Variants in ASTN2 observed in about 807,000 individuals in gnomAD.
The protein encoded by ASTN2 is astrotactin 2, also known as astrotactin-2.
ASTN2 carries 54 observed loss-of-function variants against 139.8 expected under a neutral mutation model. The observed-to-expected ratio is 0.39, with a 90% CI of 0.31 to 0.48. ASTN2 has a LOEUF of 0.48. ASTN2 is among the 20% of genes least tolerant of loss of function. The pLI, the probability that ASTN2 is intolerant of heterozygous loss-of-function variation, is 0.95. For synonymous variants in ASTN2, 756 were observed against 719.5 expected (o/e 1.05, Z -0.81); for missense variants, 1,565 against 1,725.1 (o/e 0.91, Z 1.64).
chr9:116,826,516 G>A (rs1279073211), intron 11 of ASTN2, among the ~76,000 whole-genome samples: 2 of 152,164 alleles, frequency 1.3e-5, no homozygotes, highest in Non-Finnish European at 2.9e-5. Context: ...GGGTGGCTGC[G>A]AGACTGGGGA....
chr9:116,936,677 G>A (rs1417126191), intron 10 of ASTN2, among the ~76,000 whole-genome samples: 1 of 152,066 alleles, frequency 6.6e-6, no homozygotes, highest in African/African-American at 2.4e-5. Flanking sequence ...TAAAGTTTGG[G>A]TTTTCTGACA....
intron 13 of ASTN2, among the ~76,000 whole-genome samples, chr9:116,733,769 C>T (rs916045406): frequency 1.3e-5 from 2 of 152,182 alleles, no homozygotes; most frequent in Non-Finnish European, 1.5e-5. Context: ...AAGCATGCTA[C>T]TGTTCCTCTC....
chr9:117,300,607 A>T (rs1162099769), intron 1 of ASTN2, among the ~76,000 whole-genome samples: 1 of 152,230 alleles, frequency 6.6e-6, no homozygotes, highest in East Asian at 1.9e-4. Context: ...GAGATTGGAC[A>T]GGGCAAGCAG....
At chr9:116,476,360 A>G (rs1848981419) in intron 20 of ASTN2, among the ~76,000 whole-genome samples, 1 of 152,182 alleles carries the variant, frequency 6.6e-6, no homozygotes, top group South Asian at 2.1e-4. Context: ...TTTCAGGTAG[A>G]TGTGAATTTT....
At position 116,884,473 on chromosome 9, in the gene ASTN2, G is replaced by T. The variant is rs1440595035; in HGVS notation, c.1890-20740C>A. ...GCCTGTAGATTTTTCTTTTCCCTTT[G>T]TCTTCACATGGTCTTTCCTCTGTGC... On this transcript the variant is annotated intron_variant, in intron 10 of 22. Transcript: ENST00000313400. 3.9e-5 allele frequency among the ~76,000 whole-genome samples: 6 copies of T among 152,032 alleles called. No individual in the cohort carries two copies. The East Asian group carries it at 1.2e-3, about 29-fold the overall frequency.
intron 19 of ASTN2, among the ~76,000 whole-genome samples, chr9:116,546,891 T>C (rs1046814126): frequency 4.6e-5 from 7 of 152,176 alleles, no homozygotes; most frequent in African/African-American, 1.7e-4. Context: ...GGCGTTGAAC[T>C]CTTGTCACTG....
At chr9:116,655,694 A>G (rs1015138142) in intron 16 of ASTN2, among the ~76,000 whole-genome samples, 3 of 151,972 alleles carry the variant, frequency 2.0e-5, no homozygotes, top group Non-Finnish European at 4.4e-5. Context: ...ACGTACACCA[A>G]GATTTTTTTT....
Position 116,626,154 on chromosome 9 carries a change from G to GTTTTTTTTT in ASTN2, c.3073-5720_3073-5712dup, listed in dbSNP as rs751026997. 9.9e-3 allele frequency among the ~76,000 whole-genome samples: 342 copies of GTTTTTTTTT among 34,466 alleles called. 22 individuals are homozygous for GTTTTTTTTT. The highest frequency in any genetic ancestry group is 0.015 in the Non-Finnish European group (272 of 17,920). 22.6% of individuals were successfully genotyped at this position (34,466 alleles called of 152,430 possible). ...ACCACCATGCCTGGTTAGTTTTTGTGTTTTTTTTTTTTTTTTTTTTTTTTT... is the reference window on the plus strand; with the variant it reads ...ACCACCATGCCTGGTTAGTTTTTGTGTTTTTTTTTTTTTTTTTTTTTTTTTTTTTTTTTT... On this transcript the variant is annotated intron_variant, in intron 17 of 22. Transcript: ENST00000313400.
intron 13 of ASTN2, among the ~76,000 whole-genome samples, chr9:116,744,676 A>G (rs1169482024): frequency 1.3e-5 from 2 of 152,150 alleles, no homozygotes; most frequent in African/African-American, 4.8e-5. Flanking sequence ...CCAAGCAGTC[A>G]AGCCCATGCT....
intron 22 of ASTN2, among the ~76,000 whole-genome samples, chr9:116,434,352 T>C (rs1450616201): frequency 6.6e-6 from 1 of 152,018 alleles, no homozygotes; most frequent in Non-Finnish European, 1.5e-5. Flanking sequence ...ATTCTGAGAG[T>C]TAATTCAATA....
Position 116,699,866 on chromosome 9 carries a change from A to C in ASTN2, c.2806+25905T>G. The C allele has an allele frequency of 1.1e-6, 1 of 948,724 alleles. No homozygotes were observed. Among genetic ancestry groups the C allele is most frequent in the Non-Finnish European group, 1.6e-6 (1 of 629,708 alleles). 58.8% of individuals were successfully genotyped at this position (948,724 alleles called of 1,614,324 possible). ...CCATCTTTTAATGTTTTTATTTGTT[A>C]TGTCCCCCTCCCCGCTTCCCACCTA... On this transcript the variant is annotated intron_variant, in intron 16 of 22. Coordinates refer to ENST00000313400, the MANE Select transcript of ASTN2 (RefSeq NM_001365068.1). This position sits in a 1 kb window ranked among gnomAD's most constrained non-coding sequence, Gnocchi z 4.2.
At chr9:117,135,447 C>T (rs1829928671) in intron 4 of ASTN2, among the ~76,000 whole-genome samples, 1 of 152,194 alleles carries the variant, frequency 6.6e-6, no homozygotes, top group Non-Finnish European at 1.5e-5. Context: ...ACTGTGAGCT[C>T]CCAGCTACCT....
chr9:116,942,178 G>A (rs985409455), intron 10 of ASTN2, among the ~76,000 whole-genome samples: 5 of 151,882 alleles, frequency 3.3e-5, no homozygotes, highest in African/African-American at 1.2e-4. Context: ...AGTGCAGTGC[G>A]GCAACGTGGG....
At chr9:117,030,559 C>G (rs1433610698) in intron 6 of ASTN2, among the ~76,000 whole-genome samples, 2 of 152,110 alleles carry the variant, frequency 1.3e-5, no homozygotes, top group Admixed American at 1.3e-4. Context: ...ATTAAAAATC[C>G]CAGTCCCACT....
Position 116,948,785 on chromosome 9 carries a change from G to GTTTTTTTTTTTTTTTT in ASTN2, c.1889+26407_1889+26422dup, listed in dbSNP as rs58832163. ...AGAGAGAGGAGAGAAATAATTTGGT[G>GTTTTTTTTTTTTTTTT]TTTTTTTTTTTTTTTTTTTTTTTTT... On this transcript the variant is annotated intron_variant, in intron 10 of 22. Transcript: ENST00000313400. Among the ~76,000 whole-genome samples, 30 of 49,474 alleles carry GTTTTTTTTTTTTTTTT rather than the reference G, an allele frequency of 6.1e-4. 7 individuals carry two copies. Among genetic ancestry groups the GTTTTTTTTTTTTTTTT allele is most frequent in the African/African-American group, 2.5e-3 (29 of 11,590 alleles). The allele number at this position is 49,474 out of a possible 152,430, so 32.5% of individuals were successfully genotyped here. A position where few individuals can be genotyped will look rare whatever the true frequency, so the allele number is the denominator to read the frequency against.
At chr9:117,002,899 G>A (rs1837232273) in intron 7 of ASTN2, among the ~76,000 whole-genome samples, 1 of 152,202 alleles carries the variant, frequency 6.6e-6, no homozygotes, top group South Asian at 2.1e-4. Flanking sequence ...GTAGGTGGGA[G>A]GGCCCCTTCA....
chr9:116,801,949 AG>A (rs1830870935), intron 13 of ASTN2, among the ~76,000 whole-genome samples: 1 of 152,120 alleles, frequency 6.6e-6, no homozygotes, highest in African/African-American at 2.4e-5. Flanking sequence ...GAGGCAATCC[AG>A]GGTTGAGAAG....
intron 13 of ASTN2, among the ~76,000 whole-genome samples, chr9:116,778,747 T>C (rs1433184862): frequency 1.3e-5 from 2 of 152,184 alleles, no homozygotes; most frequent in African/African-American, 2.4e-5. Flanking sequence ...ATAAAACTTG[T>C]TCTAAAAATA....
intron 19 of ASTN2, among the ~76,000 whole-genome samples, chr9:116,574,531 T>C (rs1257001474): frequency 2.0e-5 from 3 of 152,222 alleles, no homozygotes; most frequent in Admixed American, 1.3e-4. Flanking sequence ...GCATTTGAGA[T>C]AAGCTGAATA....
Sources: gnomAD v4.1 joint callset for allele counts (sites outside exome capture counted in the v4.1 genomes callset) on GRCh38, gnomAD v4.1.1 for gene constraint, Gnocchi (gnomAD v3.1) non-coding constraint, MANE v1.5 for transcripts, NCBI Gene and HGNC (gene_info 2026-07-23, HGNC 2026-07-21) for gene names.